Variants in LARP1 observed in about 807,000 individuals in gnomAD.
The protein encoded by LARP1 is La ribonucleoprotein 1, translational regulator.
Under a neutral mutation model 122.7 loss-of-function variants are expected in LARP1, and 36 were observed. That is an observed-to-expected ratio of 0.29 (90% CI 0.22 to 0.39). The LOEUF (loss-of-function observed/expected upper bound fraction) is 0.39, where lower values mean the gene tolerates loss of function less well. Ranked by LOEUF, LARP1 falls within the 10% of genes least tolerant of loss-of-function variation. The pLI, the probability that LARP1 is intolerant of heterozygous loss-of-function variation, is 1.00. For synonymous variants in LARP1, 539 were observed against 528.7 expected (o/e 1.02, Z -0.27); for missense variants, 1,040 against 1,403.6 (o/e 0.74, Z 4.14).
intron 1 of LARP1, among the ~76,000 whole-genome samples, chr5:154,736,635 G>C (rs1257095725): frequency 6.6e-6 from 1 of 151,454 alleles, no homozygotes; most frequent in Non-Finnish European, 1.5e-5. Flanking sequence ...GCATGATCTT[G>C]CCTCACTGCA....
chr5:154,719,558 T>C (rs1364238786), intron 1 of LARP1, among the ~76,000 whole-genome samples: 1 of 152,198 alleles, frequency 6.6e-6, no homozygotes, highest in Non-Finnish European at 1.5e-5. Context: ...AAATGAAGTC[T>C]AGTGGCAGAT....
intron 1 of LARP1, among the ~76,000 whole-genome samples, chr5:154,698,325 T>C (rs1391979515): frequency 6.6e-6 from 1 of 152,174 alleles, no homozygotes; most frequent in African/African-American, 2.4e-5. Flanking sequence ...GGCGGGGCAC[T>C]GTGGCTCACG....
chr5:154,734,140 C>T (rs2113420467), intron 1 of LARP1, among the ~76,000 whole-genome samples: 1 of 151,058 alleles, frequency 6.6e-6, no homozygotes, highest in East Asian at 2.0e-4. Context: ...GTACTCCAGC[C>T]TGGGCAACAA....
At chr5:154,697,984 C>T (rs1034938110) in intron 1 of LARP1, among the ~76,000 whole-genome samples, 1 of 151,962 alleles carries the variant, frequency 6.6e-6, no homozygotes, top group African/African-American at 2.4e-5. Context: ...TACCACTATA[C>T]CAGGCTAATT....
Position 154,793,741 on chromosome 5 carries a change from T to C in LARP1, c.868+18T>C, listed in dbSNP as rs1757523158. The C allele has an allele frequency of 2.5e-6, 4 of 1,614,008 alleles. No individual in the cohort carries two copies. Among genetic ancestry groups the C allele is most frequent in the South Asian group, 1.1e-5 (1 of 91,088 alleles). ...GATCAAAGGTATGCACTACCCACTATGGAGGGCCTGGACTTGGGAGACACC... is the reference window on the plus strand; with the variant it reads ...GATCAAAGGTATGCACTACCCACTACGGAGGGCCTGGACTTGGGAGACACC... On this transcript the variant is annotated intron_variant, in intron 5 of 18. Coordinates refer to ENST00000518297, the MANE Select transcript of LARP1 (RefSeq NM_033551.3).
At chr5:154,805,137 G>C (rs1044400595) in intron 14 of LARP1, 1 of 337,086 alleles carries the variant, frequency 3.0e-6, no homozygotes, top group Non-Finnish European at 5.8e-6. Flanking sequence ...ACAAACACTG[G>C]GGCCTACTTG....
At chr5:154,690,647 G>A (rs976878157) in intron 1 of LARP1, among the ~76,000 whole-genome samples, 5 of 152,228 alleles carry the variant, frequency 3.3e-5, no homozygotes, top group African/African-American at 1.2e-4. Context: ...ATATGGCTGA[G>A]CAGCAGGCGG....
chr5:154,808,079 G>A (rs1463234235), intron 15 of LARP1, among the ~76,000 whole-genome samples: 6 of 152,092 alleles, frequency 3.9e-5, no homozygotes, highest in Non-Finnish European at 7.4e-5. Context: ...TGTGACTATT[G>A]TAGGACTCTT....
At chr5:154,746,192 G>C (rs1315015277) in intron 1 of LARP1, among the ~76,000 whole-genome samples, 1 of 152,230 alleles carries the variant, frequency 6.6e-6, no homozygotes, top group Non-Finnish European at 1.5e-5. Context: ...CAATGTGCTA[G>C]TGTAGGGAGT....
In LARP1 at chr5:154,813,994, T is replaced by G. The variant is rs1031906748; in HGVS notation, c.3189T>G (p.Ala1063=). The change falls in exon 19 of 19, where the codon GCT becomes GCG. Residue 1063 remains alanine (A), a synonymous_variant. Transcript: ENST00000518297. ...RCPSQSSSRP[A]AMISQPPTPP... is the part of the protein sequence containing the mutation. ...CCTCCCAGTCTTCCAGCAGGCCTGC[T>G]GCCATGATCAGCCAACCCCCTACAC... The G allele has an allele frequency of 1.9e-6, 3 of 1,613,916 alleles. No individual in the cohort carries two copies. Among genetic ancestry groups the G allele is most frequent in the African/African-American group, 2.7e-5 (2 of 74,862 alleles).
Position 154,814,015 on chromosome 5 carries a change from T to A in LARP1, c.3210T>A (p.Pro1070=). 6.2e-7 allele frequency: 1 copy of A among 1,613,900 alleles called. No homozygotes were observed. Among genetic ancestry groups the A allele is most frequent in the South Asian group, 1.1e-5 (1 of 91,072 alleles). ...CTGCTGCCATGATCAGCCAACCCCCTACACCACCCACCGGCCAGCCTGTCC... is the reference window on the plus strand; with the variant it reads ...CTGCTGCCATGATCAGCCAACCCCCAACACCACCCACCGGCCAGCCTGTCC... The part of the protein sequence containing the change: ...SRPAAMISQP[P]TPPTGQPVRE... Residue 1070 remains proline (P), a synonymous_variant, in exon 19 of 19, where the codon CCT becomes CCA. Coordinates refer to ENST00000518297, the MANE Select transcript of LARP1 (RefSeq NM_033551.3).
chr5:154,742,626 A>G (rs1472438939), intron 1 of LARP1, among the ~76,000 whole-genome samples: 2 of 151,120 alleles, frequency 1.3e-5, no homozygotes, highest in Non-Finnish European at 2.9e-5. Context: ...GCTATTCGGG[A>G]GTCTGAGGTG....
chr5:154,737,802 G>A (rs1056694500), intron 1 of LARP1, among the ~76,000 whole-genome samples: 3 of 151,774 alleles, frequency 2.0e-5, no homozygotes, highest in Admixed American at 6.6e-5. Flanking sequence ...TGATATTCCC[G>A]GTTCCCCGCC....
chr5:154,705,112 C>T (rs574807145), intron 1 of LARP1, among the ~76,000 whole-genome samples: 22 of 99,828 alleles, frequency 2.2e-4, no homozygotes, highest in African/African-American at 9.3e-4. Flanking sequence ...ATCAAGACTC[C>T]GTCTCAAAAA....
At chr5:154,811,109 T>C (rs1297835191) in intron 16 of LARP1, 138 bp from the exon 17 acceptor site, 1 of 642,714 alleles carries the variant, frequency 1.6e-6, no homozygotes, top group East Asian at 2.8e-5. Flanking sequence ...ACTAGCATTC[T>C]AAAAGCGTGT....
At chr5:154,730,557 C>T (rs1756497377) in intron 1 of LARP1, among the ~76,000 whole-genome samples, 1 of 152,030 alleles carries the variant, frequency 6.6e-6, no homozygotes, top group East Asian at 1.9e-4. Flanking sequence ...ACTGCAACCT[C>T]TGCCTCCCGG....
At chr5:154,719,735 G>A (rs1387841216) in intron 1 of LARP1, among the ~76,000 whole-genome samples, 2 of 151,884 alleles carry the variant, frequency 1.3e-5, no homozygotes. Flanking sequence ...GGTGGCACAT[G>A]CCTGTAATCC....
intron 3 of LARP1, 120 bp downstream of exon 3, chr5:154,790,830 TCC>T: frequency 1.1e-6 from 1 of 931,750 alleles, no homozygotes; most frequent in Non-Finnish European, 1.7e-6. Context: ...TTCTTTTTTT[TCC>T]CCCCAACAGA....
At chr5:154,760,051 T>C (rs1754325474) in intron 1 of LARP1, among the ~76,000 whole-genome samples, 2 of 152,216 alleles carry the variant, frequency 1.3e-5, no homozygotes, top group East Asian at 3.9e-4. Flanking sequence ...GCGATTCTCC[T>C]GCCTCAGCCT....
Sources: gnomAD v4.1 joint callset for allele counts (sites outside exome capture counted in the v4.1 genomes callset) on GRCh38, gnomAD v4.1.1 for gene constraint, MANE v1.5 for transcripts, NCBI Gene and HGNC (gene_info 2026-07-23, HGNC 2026-07-21) for gene names.